Variants in ACSF3 observed in about 807,000 individuals in gnomAD.
The protein encoded by ACSF3 is acyl-CoA synthetase family member 3, also known as malonate--CoA ligase ACSF3, mitochondrial.
A neutral mutation model predicts 53.2 loss-of-function variants in ACSF3; 78 were observed. That is an observed-to-expected ratio of 1.47 (90% confidence interval 1.22 to 1.77). ACSF3 has a LOEUF of 1.77. Among genes scored for constraint, ACSF3 ranks in the 40% most tolerant of loss-of-function variants. The pLI is 0.00. For missense variants in ACSF3, 937 were observed against 771.1 expected (o/e 1.22, Z -2.55); for synonymous variants, 414 against 333.1 (o/e 1.24, Z -2.65).
chr16:89,151,134 C>T (rs534377214), intron 10 of ACSF3: 49 of 917,208 alleles, frequency 5.3e-5, no homozygotes, highest in South Asian at 4.5e-4. Context: ...GATGGCGGCA[C>T]GGAGGGCTGC....
At chr16:89,100,225 C>T (rs1248760277) in intron 2 of ACSF3, among the ~76,000 whole-genome samples, 1 of 152,256 alleles carries the variant, frequency 6.6e-6, no homozygotes, top group African/African-American at 2.4e-5. Context: ...CGTGTCTGCC[C>T]CGGGGGCGGG....
At chr16:89,124,266 C>G (rs1907430897) in intron 7 of ACSF3, among the ~76,000 whole-genome samples, 1 of 152,166 alleles carries the variant, frequency 6.6e-6, no homozygotes, top group Non-Finnish European at 1.5e-5. Flanking sequence ...GCCGGACTCC[C>G]TGACGATGTC....
chr16:89,115,078 G>A lies in ACSF3; in HGVS notation c.1126+591G>A, dbSNP rs1387968589. ...CTCCGCTGGGACTTCTGGGAACAGAGCCCACAGCTGGGGGGCCACCCTGCT... is the reference window on the plus strand; with the variant it reads ...CTCCGCTGGGACTTCTGGGAACAGAACCCACAGCTGGGGGGCCACCCTGCT... On this transcript the variant is annotated intron_variant, in intron 6 of 10. Coordinates refer to ENST00000614302, the MANE Select transcript of ACSF3 (RefSeq NM_001243279.3). The A allele has an allele frequency of 4.7e-5, 10 of 213,532 alleles. 1 individual carries two copies. The highest frequency in any genetic ancestry group is 1.6e-4 in the Admixed American group (3 of 18,970). The allele number at this position is 213,532 out of a possible 1,614,324, so 13.2% of individuals were successfully genotyped here.
intron 8 of ACSF3, among the ~76,000 whole-genome samples, chr16:89,144,175 T>C (rs1042224644): frequency 6.6e-6 from 1 of 152,232 alleles, no homozygotes; most frequent in Non-Finnish European, 1.5e-5. Flanking sequence ...GCTCTGAGGC[T>C]GCAGCCCGCT....
chr16:89,102,818 G>T (rs1975515391), intron 4 of ACSF3, 59 bp downstream of exon 4: 3 of 1,592,902 alleles, frequency 1.9e-6, no homozygotes, highest in African/African-American at 1.3e-5. Context: ...TCCCCTGTCG[G>T]GGCCAGGGCT....
chr16:89,147,078 T>A lies in ACSF3; in HGVS notation c.1613+1029T>A, dbSNP rs557157429. ...GGAGGCCTCAGGAAACTTACAGTCA[T>A]GGCAGAAGGCAAAGGGGAAACAGGC... On this transcript the variant is annotated intron_variant, in intron 10 of 10. Transcript: ENST00000614302. Among the ~76,000 whole-genome samples the A allele has an allele frequency of 1.2e-4, 18 of 149,988 alleles. 1 individual carries two copies. The South Asian group carries it at 3.6e-3, about 30-fold the overall frequency.
At chr16:89,124,848 T>G (rs962119578) in intron 7 of ACSF3, among the ~76,000 whole-genome samples, 3 of 152,360 alleles carry the variant, frequency 2.0e-5, no homozygotes, top group African/African-American at 7.2e-5. Flanking sequence ...CATTGCCACT[T>G]TGCCAAAGAT....
At chr16:89,101,675 T>C (rs1031746827) in intron 3 of ACSF3, among the ~76,000 whole-genome samples, 1 of 152,176 alleles carries the variant, frequency 6.6e-6, no homozygotes, top group African/African-American at 2.4e-5. Context: ...AGCCACGTGT[T>C]AGGATGCGTG....
chr16:89,102,844 A>C, intron 4 of ACSF3, 85 bp downstream of exon 4: 1 of 1,563,148 alleles, frequency 6.4e-7, no homozygotes, highest in Middle Eastern at 1.7e-4. Context: ...CCGCGCCCTC[A>C]GCCTAAGCGC....
chr16:89,136,180 C>T (rs748644974), intron 8 of ACSF3, among the ~76,000 whole-genome samples: 2 of 152,208 alleles, frequency 1.3e-5, no homozygotes, highest in African/African-American at 2.4e-5. Flanking sequence ...CTCCCGGAGC[C>T]GCTGGGAGGG....
intron 9 of ACSF3, 126 bp from the exon 10 acceptor site, chr16:89,145,812 G>T (rs1406535816): frequency 3.5e-6 from 3 of 860,432 alleles, no homozygotes; most frequent in African/African-American, 3.3e-5. Context: ...ATTGGAGTGG[G>T]GCCTGTCCAA....
At chr16:89,097,646 G>A (rs1374838237) in intron 1 of ACSF3, among the ~76,000 whole-genome samples, 3 of 152,208 alleles carry the variant, frequency 2.0e-5, no homozygotes, top group South Asian at 2.1e-4. Context: ...CACAGCCCAC[G>A]TGCCGATCTC....
chr16:89,117,599 T>C (rs1193358850), intron 6 of ACSF3, among the ~76,000 whole-genome samples: 2 of 147,988 alleles, frequency 1.4e-5, no homozygotes, highest in African/African-American at 5.0e-5. Context: ...CTGTCTACAC[T>C]GAGAGCGTCA....
intron 3 of ACSF3, 70 bp downstream of exon 3, chr16:89,101,417 G>C: frequency 6.5e-7 from 1 of 1,546,862 alleles, no homozygotes. Flanking sequence ...CGGGCCAGAA[G>C]CACATCTTTT....
rs1247534544 is a variant in ACSF3 at position 89,155,913 on chromosome 16, A to G, written c.*1706A>G. The G allele has an allele frequency of 1.3e-5, 5 of 377,032 alleles. No individual in the cohort carries two copies. Among genetic ancestry groups the G allele is most frequent in the Admixed American group, 1.3e-4 (4 of 30,760 alleles). 23.4% of individuals were successfully genotyped at this position (377,032 alleles called of 1,614,324 possible). A position where few individuals can be genotyped will look rare whatever the true frequency, so the allele number is the denominator to read the frequency against. Reference sequence around the variant, plus strand: ...TTCTGCTGACAATACTACAAACTACAGAAAGCCTGGAGCTCATTGACCAGA... The same window carrying G: ...TTCTGCTGACAATACTACAAACTACGGAAAGCCTGGAGCTCATTGACCAGA... On this transcript the variant is annotated 3_prime_UTR_variant, in exon 11 of 11. Coordinates refer to ENST00000614302, the MANE Select transcript of ACSF3 (RefSeq NM_001243279.3).
intron 4 of ACSF3, among the ~76,000 whole-genome samples, chr16:89,109,475 A>G (rs992932815): frequency 1.7e-5 from 2 of 120,654 alleles, no homozygotes; most frequent in Non-Finnish European, 3.2e-5. Flanking sequence ...GCAGTGGCTC[A>G]GTCTCGGCTC....
At chr16:89,122,966 CAG>C (rs764812589) in intron 7 of ACSF3, 36 of 152,450 alleles carry the variant, frequency 2.4e-4, no homozygotes, top group Non-Finnish European at 4.7e-4. Context: ...CCCTGACAGT[CAG>C]AGACACCGCA....
intron 6 of ACSF3, 153 bp downstream of exon 6, chr16:89,114,640 T>C (rs1904755885): frequency 1.8e-6 from 2 of 1,112,234 alleles, no homozygotes; most frequent in Non-Finnish European, 2.6e-6. Context: ...GCACTCAGGA[T>C]GCACTGCGAC....
At chr16:89,143,264 CTG>C (rs1041906418) in intron 8 of ACSF3, among the ~76,000 whole-genome samples, 1 of 152,102 alleles carries the variant, frequency 6.6e-6, no homozygotes, top group African/African-American at 2.4e-5. Context: ...CCGTGAGTAA[CTG>C]TGGTGCATCC....
Sources: gnomAD v4.1 joint callset for allele counts (sites outside exome capture counted in the v4.1 genomes callset) on GRCh38, gnomAD v4.1.1 for gene constraint, MANE v1.5 for transcripts, NCBI Gene and HGNC (gene_info 2026-07-23, HGNC 2026-07-21) for gene names.